The following PRR16 variants were observed in gnomAD, a reference collection of about 807,000 sequenced individuals.
The protein encoded by PRR16 is protein Largen.
A neutral mutation model predicts 18.2 loss-of-function variants in PRR16; 6 were observed. The ratio of observed to expected loss-of-function variants is 0.33; its 90% CI spans 0.18 to 0.65. The LOEUF (loss-of-function observed/expected upper bound fraction) is 0.65. Ranked by LOEUF, PRR16 falls within the 30% of genes least tolerant of loss-of-function variation. The pLI, the probability that PRR16 is intolerant of heterozygous loss-of-function variation, is 0.74. For missense variants in PRR16, 412 were observed against 376.6 expected, an observed-to-expected ratio of 1.09 and a Z score of -0.78; for synonymous variants, 151 against 147.8, an observed-to-expected ratio of 1.02 and a Z score of -0.16.
the PRR16 span, among the ~76,000 whole-genome samples, chr5:120,712,123 A>G: frequency 3.3e-5 from 5 of 152,126 alleles, no homozygotes; most frequent in African/African-American, 1.2e-4. Flanking sequence ...ATACAACATG[A>G]TGTTTTGGTA....
At chr5:120,574,147 C>A (rs544977580) in intron 1 of PRR16, among the ~76,000 whole-genome samples, 13 of 151,946 alleles carry the variant, frequency 8.6e-5, no homozygotes, top group African/African-American at 3.1e-4. Context: ...TCAAAAGTAT[C>A]ATAAAGTGAA....
At chr5:120,727,312 C>T in the PRR16 span, among the ~76,000 whole-genome samples, 5 of 152,056 alleles carry the variant, frequency 3.3e-5, no homozygotes, top group East Asian at 1.9e-4. Flanking sequence ...AGTCCACTTA[C>T]AAGCTGAGGA....
At chr5:120,641,534 C>G (rs540684179) in intron 1 of PRR16, among the ~76,000 whole-genome samples, 1 of 152,186 alleles carries the variant, frequency 6.6e-6, no homozygotes, top group East Asian at 1.9e-4. Context: ...TGCATCATCA[C>G]ACTGCCCTGC....
At chr5:120,760,753 G>C in the PRR16 span, among the ~76,000 whole-genome samples, 1 of 152,090 alleles carries the variant, frequency 6.6e-6, no homozygotes, top group Non-Finnish European at 1.5e-5. Flanking sequence ...TATCAAATAG[G>C]AATTTAGTGG....
At chr5:120,680,815 T>A (rs1756946864) in intron 1 of PRR16, among the ~76,000 whole-genome samples, 1 of 152,218 alleles carries the variant, frequency 6.6e-6, no homozygotes, top group Non-Finnish European at 1.5e-5. Context: ...TGGTTTTTAG[T>A]GTTTGGAAAT....
In PRR16 at chr5:120,514,159, C is replaced by T. The variant is rs147159323; in HGVS notation, c.159+49514C>T. 5.5e-4 allele frequency among the ~76,000 whole-genome samples: 83 copies of T among 152,120 alleles called. 1 individual carries two copies. The East Asian group carries it at 0.015, about 28-fold the overall frequency. On this transcript the variant is annotated intron_variant, in intron 1 of 1. Coordinates refer to ENST00000407149, the MANE Select transcript of PRR16 (RefSeq NM_001300783.2). ...TTATGAATAATGATGAATATATGAA[C>T]CTAAGATGCCATTTTTAGCCTAATG... is the stretch of plus-strand genomic sequence containing the variant.
chr5:120,638,862 A>C (rs1214133047), intron 1 of PRR16, among the ~76,000 whole-genome samples: 1 of 152,086 alleles, frequency 6.6e-6, no homozygotes, highest in Non-Finnish European at 1.5e-5. Context: ...ATTTATAATA[A>C]TGGCCCCAAT....
At chr5:120,688,041 C>A (rs1757167934), downstream of PRR16, among the ~76,000 whole-genome samples, 1 of 152,120 alleles carries the variant, frequency 6.6e-6, no homozygotes, top group Admixed American at 6.6e-5. Context: ...GTATTTATGG[C>A]ATAACTTGAT....
chr5:120,586,752 C>T (rs777672331), intron 1 of PRR16, among the ~76,000 whole-genome samples: 38 of 152,064 alleles, frequency 2.5e-4, no homozygotes, highest in Admixed American at 2.0e-4. Context: ...TTCCCTAAGA[C>T]ACAATAATAT....
At chr5:120,497,384 A>ATGTT (rs1750285834) in intron 1 of PRR16, among the ~76,000 whole-genome samples, 3 of 84,180 alleles carry the variant, frequency 3.6e-5, no homozygotes, top group Non-Finnish European at 6.5e-5. Context: ...TGATGAACTG[A>ATGTT]TTTTTTTTTT....
intron 1 of PRR16, among the ~76,000 whole-genome samples, chr5:120,505,798 T>G (rs928959398): frequency 6.6e-6 from 1 of 151,926 alleles, no homozygotes; most frequent in East Asian, 1.9e-4. Context: ...TAAACTGATA[T>G]AGATATATAC....
the PRR16 span, among the ~76,000 whole-genome samples, chr5:120,700,073 A>T: frequency 6.6e-6 from 1 of 152,146 alleles, no homozygotes; most frequent in Admixed American, 6.5e-5. Context: ...AGCATGTTTG[A>T]GACCTAGAAC....
chr5:120,743,499 C>G, the PRR16 span, among the ~76,000 whole-genome samples: 1 of 152,020 alleles, frequency 6.6e-6, no homozygotes, highest in South Asian at 2.1e-4. Context: ...ATTGTTCTGT[C>G]TTCTGCATTC....
At chr5:120,575,107 ATCTTT>A (rs1753030164) in intron 1 of PRR16, among the ~76,000 whole-genome samples, 1 of 136,412 alleles carries the variant, frequency 7.3e-6, no homozygotes, top group African/African-American at 3.7e-5. Context: ...TTATACATTA[ATCTTT>A]GTCAAAGGTA....
At chr5:120,724,555 C>T in the PRR16 span, among the ~76,000 whole-genome samples, 1 of 152,056 alleles carries the variant, frequency 6.6e-6, no homozygotes, top group African/African-American at 2.4e-5. Context: ...TTTTCAGAGA[C>T]TGATTAAATC....
chr5:120,740,264 C>G, the PRR16 span, among the ~76,000 whole-genome samples: 7 of 152,140 alleles, frequency 4.6e-5, no homozygotes, highest in Non-Finnish European at 8.8e-5. Flanking sequence ...TGTATGGTGT[C>G]TGTCAGATTT....
At chr5:120,615,114 A>G (rs988141372) in intron 1 of PRR16, among the ~76,000 whole-genome samples, 7 of 152,098 alleles carry the variant, frequency 4.6e-5, no homozygotes, top group African/African-American at 1.2e-4. Flanking sequence ...AATTCTTTCC[A>G]TATATTAACT....
At chr5:120,689,856 A>G (rs1478767545), downstream of PRR16, among the ~76,000 whole-genome samples, 1 of 152,044 alleles carries the variant, frequency 6.6e-6, no homozygotes, top group Non-Finnish European at 1.5e-5. Flanking sequence ...GCCCAAAGTT[A>G]TCTTCCACCT....
chr5:120,725,356 C>A, the PRR16 span, among the ~76,000 whole-genome samples: 1 of 149,870 alleles, frequency 6.7e-6, no homozygotes, highest in African/African-American at 2.5e-5. Context: ...TGACACACAG[C>A]GCATCTTCAG....
Sources: allele counts gnomAD v4.1 joint callset (sites outside exome capture counted in the v4.1 genomes callset), GRCh38; gene constraint gnomAD v4.1.1; transcripts MANE v1.5; gene names NCBI Gene and HGNC (gene_info 2026-07-23, HGNC 2026-07-21).